Variants in MEF2A observed in about 807,000 individuals in gnomAD.
MEF2A encodes the protein myocyte-specific enhancer factor 2A.
A neutral mutation model predicts 55.8 loss-of-function variants in MEF2A; 28 were observed. The ratio of observed to expected loss-of-function variants is 0.50; its 90% CI spans 0.37 to 0.69. The LOEUF (loss-of-function observed/expected upper bound fraction) is 0.69. MEF2A is among the 30% of genes least tolerant of loss of function. MEF2A has a pLI of 0.00. For synonymous variants in MEF2A, 239 were observed against 227.1 expected (o/e 1.05, Z -0.47); for missense variants, 528 against 626.2 (o/e 0.84, Z 1.67).
chr15:99,595,124 C>T (rs1490914526), intron 1 of MEF2A, among the ~76,000 whole-genome samples: 1 of 152,136 alleles, frequency 6.6e-6, no homozygotes, highest in Non-Finnish European at 1.5e-5. Context: ...TAGCTGAATA[C>T]CTTGGGAAGT....
intron 10 of MEF2A, among the ~76,000 whole-genome samples, chr15:99,709,710 G>A (rs1197875101): frequency 6.6e-6 from 1 of 152,222 alleles, no homozygotes; most frequent in Non-Finnish European, 1.5e-5. Flanking sequence ...TGTTAATGAT[G>A]AGCTGAAATA....
chr15:99,611,958 C>T (rs898328203), intron 2 of MEF2A, among the ~76,000 whole-genome samples: 11 of 152,236 alleles, frequency 7.2e-5, no homozygotes, highest in Non-Finnish European at 1.5e-4. Flanking sequence ...CCAGAATAGG[C>T]AAATTCCATA....
At chr15:99,645,843 T>G in intron 4 of MEF2A, 79 bp downstream of exon 4, 1 of 1,011,460 alleles carries the variant, frequency 9.9e-7, no homozygotes, top group East Asian at 2.6e-5. Flanking sequence ...TCAGAATGAC[T>G]TGTACATCTA....
rs2051553709 is a variant in MEF2A, at chr15:99,674,622, G to A, written c.610+10G>A. On this transcript the variant is annotated intron_variant, in intron 6 of 11. Coordinates refer to ENST00000557942, the MANE Select transcript of MEF2A (RefSeq NM_001319206.4). ...AGTACTGGCAATGCAGGTATGTAGT[G>A]ATACCTATTATGCTGGTTCTTTAAT... The A allele has an allele frequency of 6.3e-7, 1 of 1,586,340 alleles. No homozygotes were observed. The highest frequency in any genetic ancestry group is 8.7e-7 in the Non-Finnish European group (1 of 1,155,476).
At chr15:99,572,355 C>T (rs1319990732) in intron 1 of MEF2A, among the ~76,000 whole-genome samples, 1 of 152,226 alleles carries the variant, frequency 6.6e-6, no homozygotes, top group Non-Finnish European at 1.5e-5. Flanking sequence ...CCAAATCTCA[C>T]TTCTCACTCA....
intron 9 of MEF2A, 100 bp downstream of exon 9, chr15:99,703,485 A>AT (rs996287781): frequency 1.6e-6 from 2 of 1,240,114 alleles, no homozygotes; most frequent in Non-Finnish European, 2.2e-6. Flanking sequence ...TGTTACACAA[A>AT]TTTTTTTAAA....
At chr15:99,639,653 C>T (rs1046635379) in intron 3 of MEF2A, among the ~76,000 whole-genome samples, 2 of 152,148 alleles carry the variant, frequency 1.3e-5, no homozygotes, top group African/African-American at 4.8e-5. Context: ...AAGTTGCTTT[C>T]CAAAGTGATT....
At chr15:99,594,762 TTTGTGTGATA>T (rs1339905598) in intron 1 of MEF2A, among the ~76,000 whole-genome samples, 1 of 152,098 alleles carries the variant, frequency 6.6e-6, no homozygotes, top group African/African-American at 2.4e-5. Flanking sequence ...ATCTGTGTGA[TTTGTGTGATA>T]TTGTATAATT....
intron 1 of MEF2A, among the ~76,000 whole-genome samples, chr15:99,583,840 G>T (rs989538554): frequency 6.6e-6 from 1 of 152,106 alleles, no homozygotes; most frequent in African/African-American, 2.4e-5. Context: ...AATAGGTACA[G>T]TCATGAGTCA....
intron 1 of MEF2A, among the ~76,000 whole-genome samples, chr15:99,594,208 G>A (rs973740292): frequency 6.6e-6 from 1 of 152,180 alleles, no homozygotes; most frequent in African/African-American, 2.4e-5. Context: ...CTGTAAATCA[G>A]GGGTTCTCAC....
intron 2 of MEF2A, among the ~76,000 whole-genome samples, chr15:99,598,762 C>T (rs914438349): frequency 7.9e-5 from 12 of 151,992 alleles, no homozygotes; most frequent in African/African-American, 2.7e-4. Context: ...TTTCACACTT[C>T]TTCCATATTC....
At chr15:99,629,079 C>CTATAA (rs1283172545) in intron 2 of MEF2A, among the ~76,000 whole-genome samples, 6 of 151,766 alleles carry the variant, frequency 4.0e-5, no homozygotes, top group South Asian at 2.1e-4. Flanking sequence ...AGTCAGCTAG[C>CTATAA]TATAACTCTT....
At chr15:99,599,843 A>G (rs562040931) in intron 2 of MEF2A, among the ~76,000 whole-genome samples, 2 of 152,254 alleles carry the variant, frequency 1.3e-5, no homozygotes, top group African/African-American at 4.8e-5. Flanking sequence ...ATTAAAAAAT[A>G]CCCTATACTT....
At chr15:99,683,991 G>C (rs1263487220) in intron 7 of MEF2A, among the ~76,000 whole-genome samples, 1 of 152,078 alleles carries the variant, frequency 6.6e-6, no homozygotes, top group Non-Finnish European at 1.5e-5. Flanking sequence ...ACTTCTCTTA[G>C]AATAATGGTC....
chr15:99,579,749 C>T (rs1408366447), intron 1 of MEF2A, among the ~76,000 whole-genome samples: 1 of 151,980 alleles, frequency 6.6e-6, no homozygotes, highest in Non-Finnish European at 1.5e-5. Flanking sequence ...TTATTGATTC[C>T]CTCTTTTGTC....
chr15:99,675,384 C>G lies in MEF2A; in HGVS notation c.611-15C>G, dbSNP rs1204509146. The G allele has an allele frequency of 6.2e-7, 1 of 1,612,810 alleles. No homozygotes were observed. The highest frequency in any genetic ancestry group is 1.1e-5 in the South Asian group (1 of 91,052). ...TCATTCTCTGCCCTCTGTCTTCTCT[C>G]CGTAACGTTGTTAGGTGGGATGTTG... On this transcript the variant is annotated splice_polypyrimidine_tract_variant and intron_variant, in intron 6 of 11. Transcript: ENST00000557942.
chr15:99,609,423 A>C (rs1340409891), intron 2 of MEF2A, among the ~76,000 whole-genome samples: 1 of 152,228 alleles, frequency 6.6e-6, no homozygotes, highest in African/African-American at 2.4e-5. Flanking sequence ...GCCAAACTGC[A>C]CTTTCAGGTA....
chr15:99,569,335 C>G (rs1047821024), intron 1 of MEF2A, among the ~76,000 whole-genome samples: 8 of 152,190 alleles, frequency 5.3e-5, no homozygotes, highest in African/African-American at 1.9e-4. Flanking sequence ...CTTCTTTCCT[C>G]TGAAGATTAT....
intron 2 of MEF2A, among the ~76,000 whole-genome samples, chr15:99,603,001 A>G (rs1417433469): frequency 1.3e-5 from 2 of 152,100 alleles, no homozygotes; most frequent in African/African-American, 4.8e-5. Flanking sequence ...GTTGTATTTT[A>G]GAATCCCTAT....
Sources: gnomAD v4.1 joint callset for allele counts (sites outside exome capture counted in the v4.1 genomes callset) on GRCh38, gnomAD v4.1.1 for gene constraint, MANE v1.5 for transcripts, NCBI Gene and HGNC (gene_info 2026-07-23, HGNC 2026-07-21) for gene names.